SOCS5: variants seen among roughly 807,000 people sequenced by gnomAD.
SOCS5 encodes CIS-6.
Under a neutral mutation model 42.8 loss-of-function variants are expected in SOCS5, and 32 were observed. That is an observed-to-expected ratio of 0.75 (90% CI 0.56 to 1.01). The LOEUF (loss-of-function observed/expected upper bound fraction) is 1.01. Among genes scored for constraint, SOCS5 ranks in the 50% least tolerant of loss-of-function variants. The probability of loss-of-function intolerance (pLI) is 0.00; values close to 1 mark genes in which losing one functional copy is unlikely to be tolerated. For synonymous variants in SOCS5, 283 were observed against 229.6 expected, an observed-to-expected ratio of 1.23 and a Z score of -2.10; for missense variants, 627 against 653.0, an observed-to-expected ratio of 0.96 and a Z score of 0.43.
intron 1 of SOCS5, among the ~76,000 whole-genome samples, chr2:46,749,945 A>G (rs1445606210): frequency 6.6e-6 from 1 of 152,216 alleles, no homozygotes; most frequent in Non-Finnish European, 1.5e-5. Context: ...GCTAGATAAT[A>G]CTGGTAACAT....
At chr2:46,725,359 A>G (rs1672968707) in intron 1 of SOCS5, among the ~76,000 whole-genome samples, 1 of 152,062 alleles carries the variant, frequency 6.6e-6, no homozygotes, top group African/African-American at 2.4e-5. Flanking sequence ...TTTACATTTA[A>G]TATAATTACT....
intron 1 of SOCS5, among the ~76,000 whole-genome samples, chr2:46,723,361 G>A (rs1167176259): frequency 2.0e-5 from 3 of 151,512 alleles, no homozygotes; most frequent in African/African-American, 7.3e-5. Context: ...TAAGGTTCAT[G>A]TATTTTGTCA....
At chr2:46,738,506 T>C (rs945123897) in intron 1 of SOCS5, among the ~76,000 whole-genome samples, 37 of 152,162 alleles carry the variant, frequency 2.4e-4, no homozygotes, top group African/African-American at 8.4e-4. Context: ...GGGAGACATA[T>C]TGTTAATTTT....
At chr2:46,741,302 C>T (rs1572842660) in intron 1 of SOCS5, among the ~76,000 whole-genome samples, 1 of 151,998 alleles carries the variant, frequency 6.6e-6, no homozygotes, top group Admixed American at 6.5e-5. Flanking sequence ...TGCAGTGGTG[C>T]GATCTCAGCT....
intron 1 of SOCS5, among the ~76,000 whole-genome samples, chr2:46,724,521 T>G (rs1285023323): frequency 6.6e-6 from 1 of 152,078 alleles, no homozygotes; most frequent in Non-Finnish European, 1.5e-5. Flanking sequence ...TTTAATGCCA[T>G]ACATTTTCCT....
At chr2:46,702,310 G>A (rs373093440) in intron 1 of SOCS5, among the ~76,000 whole-genome samples, 5 of 152,132 alleles carry the variant, frequency 3.3e-5, no homozygotes, top group African/African-American at 1.2e-4. Context: ...TCTTTGGTAA[G>A]GGGGTACTTG....
rs745957712 is a variant in SOCS5 at position 46,733,885 on chromosome 2, A to G, written c.-12-24634A>G. On this transcript the variant is annotated intron_variant, in intron 1 of 1. Coordinates refer to ENST00000394861, the MANE Select transcript of SOCS5 (RefSeq NM_144949.3). ...TAATTGAAAGCAGGAATATCAGGTTAAAACATAAAAACCATGTCCTACAGT... is the reference window on the plus strand; with the variant it reads ...TAATTGAAAGCAGGAATATCAGGTTGAAACATAAAAACCATGTCCTACAGT... 3.4e-4 allele frequency among the ~76,000 whole-genome samples: 52 copies of G among 152,198 alleles called. 1 individual carries two copies. Among genetic ancestry groups the G allele is most frequent in the Non-Finnish European group, 6.2e-4 (42 of 68,050 alleles).
intron 1 of SOCS5, among the ~76,000 whole-genome samples, chr2:46,752,118 G>C (rs1673635218): frequency 6.6e-6 from 1 of 151,830 alleles, no homozygotes; most frequent in Non-Finnish European, 1.5e-5. Context: ...GAAAATGTTT[G>C]CTGAACCCTG....
At chr2:46,747,607 C>G (rs559097412) in intron 1 of SOCS5, among the ~76,000 whole-genome samples, 1 of 152,252 alleles carries the variant, frequency 6.6e-6, no homozygotes, top group Non-Finnish European at 1.5e-5. Flanking sequence ...TGGGCTGTTA[C>G]ACTTTTTAAG....
rs1407344514 is a variant in SOCS5 at position 46,761,348 on chromosome 2, G to C, written c.*1207G>C. 1 of 167,032 alleles carries C rather than the reference G, an allele frequency of 6.0e-6. No individual in the cohort carries two copies. Among genetic ancestry groups the C allele is most frequent in the African/African-American group, 2.4e-5 (1 of 41,426 alleles). The allele number at this position is 167,032 out of a possible 1,614,324, so 10.3% of individuals were successfully genotyped here. On this transcript the variant is annotated 3_prime_UTR_variant, in exon 2 of 2. Transcript: ENST00000394861. ...GAACTGAATTTACAGTTCTGTCCTA[G>C]ACATTTTGCACTAAAGTAGCCGAAT...
chr2:46,761,961 C>T lies in SOCS5; in HGVS notation c.*1820C>T, dbSNP rs528698409. 1.2e-5 allele frequency: 2 copies of T among 167,002 alleles called. No individual in the cohort carries two copies. Among genetic ancestry groups the T allele is most frequent in the South Asian group, 2.1e-4 (1 of 4,826 alleles). The allele number at this position is 167,002 out of a possible 1,614,324, so 10.3% of individuals were successfully genotyped here. On this transcript the variant is annotated 3_prime_UTR_variant, in exon 2 of 2. Transcript: ENST00000394861. ...ATAGTAAATGAGTATCTGTAACCTCCCACTGCATCAGAAGCAGGTTAAATG... is the reference window on the plus strand; with the variant it reads ...ATAGTAAATGAGTATCTGTAACCTCTCACTGCATCAGAAGCAGGTTAAATG...
At chr2:46,711,552 C>A (rs759919870) in intron 1 of SOCS5, among the ~76,000 whole-genome samples, 1 of 152,140 alleles carries the variant, frequency 6.6e-6, no homozygotes, top group African/African-American at 2.4e-5. Flanking sequence ...AGAGATTTTT[C>A]TTCCAGTCTG....
intron 1 of SOCS5, among the ~76,000 whole-genome samples, chr2:46,725,814 A>T (rs1490436039): frequency 6.6e-6 from 1 of 152,112 alleles, no homozygotes; most frequent in Non-Finnish European, 1.5e-5. Context: ...GCTGGTAATG[A>T]ATTCTCATAA....
chr2:46,707,653 A>G (rs1011315765), intron 1 of SOCS5, among the ~76,000 whole-genome samples: 1 of 152,242 alleles, frequency 6.6e-6, no homozygotes, highest in Middle Eastern at 3.2e-3. Context: ...ATAGATGGGA[A>G]GTAACACAAA....
rs1232543821 is a variant in SOCS5 at position 46,756,914 on chromosome 2, A to G, written c.-12-1605A>G. On this transcript the variant is annotated intron_variant, in intron 1 of 1. Coordinates refer to ENST00000394861, the MANE Select transcript of SOCS5 (RefSeq NM_144949.3). ...AATGCTTACGAGAGAGATTTTTGCA[A>G]GACAGAGGAGGCCGTGTTCTAAAAT... Among the ~76,000 whole-genome samples, 4 of 152,198 alleles carry G rather than the reference A, an allele frequency of 2.6e-5. No homozygotes were observed. In the East Asian group the frequency reaches 7.7e-4, roughly 29 times the overall value.
chr2:46,706,407 T>C (rs1383437295), intron 1 of SOCS5, among the ~76,000 whole-genome samples: 1 of 152,204 alleles, frequency 6.6e-6, no homozygotes, highest in Non-Finnish European at 1.5e-5. Context: ...TGAAGTGCTC[T>C]TTTACTCTTT....
At chr2:46,752,890 C>G (rs1481668425) in intron 1 of SOCS5, among the ~76,000 whole-genome samples, 1 of 152,174 alleles carries the variant, frequency 6.6e-6, no homozygotes, top group Non-Finnish European at 1.5e-5. Context: ...TTCAATACCA[C>G]TCTCTCCTCA....
Position 46,759,064 on chromosome 2 carries a change from A to T in SOCS5, c.534A>T (p.Arg178Ser), listed in dbSNP as rs774459211. 1.2e-6 allele frequency: 2 copies of T among 1,613,996 alleles called. No homozygotes were observed. The highest frequency in any genetic ancestry group is 1.7e-5 in the Admixed American group (1 of 60,020). Residue 178 changes from arginine (R) to serine (S), a missense_variant, in exon 2 of 2, where the codon AGA becomes AGT. This residue lies in a region of SOCS5 where 278 missense variants were observed against 246.3 expected (regional missense o/e 1.13). Transcript: ENST00000394861. ...SSRTVGSRSL[R>S]QRLQDTVGLC... ...GAACTGTAGGAAGTCGCTCTCTAAG[A>T]CAGAGGTTGCAGGATACTGTGGGCT...
intron 1 of SOCS5, among the ~76,000 whole-genome samples, chr2:46,741,049 G>A (rs566387206): frequency 7.9e-5 from 12 of 152,074 alleles, no homozygotes; most frequent in Non-Finnish European, 1.6e-4. Context: ...CTGTATTTGC[G>A]ATTCCTTTCT....
Sources: gnomAD v4.1 joint callset for allele counts (sites outside exome capture counted in the v4.1 genomes callset) on GRCh38, gnomAD v4.1.1 for gene constraint, gnomAD v4.1.1 regional missense constraint, MANE v1.5 for transcripts, NCBI Gene and HGNC (gene_info 2026-07-23, HGNC 2026-07-21) for gene names.